FMN1: variants seen among roughly 807,000 people sequenced by gnomAD.
FMN1 encodes formin-1.
In FMN1, 110 loss-of-function variants were observed where a neutral mutation model predicts 132.4. That is an observed-to-expected ratio of 0.83 (90% CI 0.71 to 0.97). FMN1 has a LOEUF of 0.97. Among genes scored for constraint, FMN1 ranks in the 50% least tolerant of loss-of-function variants. The pLI is 0.00. For synonymous variants in FMN1, 722 were observed against 651.7 expected (o/e 1.11, Z -1.64); for missense variants, 1,792 against 1,705.3 (o/e 1.05, Z -0.90).
chr15:32,926,805 GAGA>G (rs1342194915), intron 9 of FMN1, among the ~76,000 whole-genome samples: 1 of 152,132 alleles, frequency 6.6e-6, no homozygotes, highest in Non-Finnish European at 1.5e-5. Flanking sequence ...TTTATTTTGA[GAGA>G]AGGTCTAGCT....
intron 6 of FMN1, among the ~76,000 whole-genome samples, chr15:33,040,178 T>A (rs560033303): frequency 5.9e-5 from 9 of 152,362 alleles, no homozygotes; most frequent in African/African-American, 2.2e-4. Context: ...TCTGCATGTT[T>A]GCTCTACCCT....
At chr15:32,816,359 A>C (rs1444974956) in intron 17 of FMN1, among the ~76,000 whole-genome samples, 1 of 152,246 alleles carries the variant, frequency 6.6e-6, no homozygotes, top group African/African-American at 2.4e-5. Context: ...GGTATATCAC[A>C]CACATTATAT....
intron 10 of FMN1, among the ~76,000 whole-genome samples, chr15:32,920,340 T>C (rs1174496204): frequency 6.6e-6 from 1 of 151,948 alleles, no homozygotes; most frequent in East Asian, 1.9e-4. Flanking sequence ...TTATTCAGAG[T>C]CTCTCCTGGA....
rs1312079466 is a variant in FMN1, at chr15:32,765,629, A to G, written c.*8681T>C. The G allele has an allele frequency of 1.3e-4, 3 of 22,572 alleles. No individual in the cohort carries two copies. Among genetic ancestry groups the G allele is most frequent in the Non-Finnish European group, 7.0e-4 (3 of 4,260 alleles). The allele number at this position is 22,572 out of a possible 1,614,324, so 1.4% of individuals were successfully genotyped here. A position where few individuals can be genotyped will look rare whatever the true frequency, so the allele number is the denominator to read the frequency against. On this transcript the variant is annotated 3_prime_UTR_variant, in exon 21 of 21. Transcript: ENST00000616417. Reference sequence around the variant, plus strand: ...ATGCAATTCTCTGTAAATTCCAAAAAATATAATTCTCTTAAAACAAATTAA... The same window carrying G: ...ATGCAATTCTCTGTAAATTCCAAAAGATATAATTCTCTTAAAACAAATTAA...
chr15:32,848,399 C>T (rs536368577), intron 17 of FMN1, among the ~76,000 whole-genome samples: 1 of 152,320 alleles, frequency 6.6e-6, no homozygotes, highest in South Asian at 2.1e-4. Flanking sequence ...TGCCTTTAAA[C>T]ATTTCCTTGC....
At chr15:33,118,803 A>G (rs1288189107) in intron 4 of FMN1, among the ~76,000 whole-genome samples, 1 of 152,142 alleles carries the variant, frequency 6.6e-6, no homozygotes, top group Non-Finnish European at 1.5e-5. Flanking sequence ...CTATCTTTAA[A>G]GAATGGTATA....
In FMN1 at chr15:33,031,462, G is replaced by A. The variant is rs537423465; in HGVS notation, c.2162-23387C>T. Among the ~76,000 whole-genome samples the A allele has an allele frequency of 2.0e-5, 3 of 152,246 alleles. No homozygotes were observed. In the South Asian group the frequency reaches 6.2e-4, roughly 32 times the overall value. ...GGTTTCCTGAAATACAGACCTCGTG[G>A]CATGACCAGTCAGCACCAATTCATC... On this transcript the variant is annotated intron_variant, in intron 6 of 20. Coordinates refer to ENST00000616417, the MANE Select transcript of FMN1 (RefSeq NM_001277313.2).
intron 17 of FMN1, among the ~76,000 whole-genome samples, chr15:32,823,298 A>G (rs531670485): frequency 7.3e-5 from 11 of 151,466 alleles, no homozygotes; most frequent in Admixed American, 5.3e-4. Flanking sequence ...AGTAGCTGGG[A>G]CTACAGGCAC....
chr15:33,048,644 A>AACAACAAAAAAAAACAAAAAC (rs1555388955), intron 6 of FMN1, among the ~76,000 whole-genome samples: 1 of 86,920 alleles, frequency 1.2e-5, no homozygotes, highest in African/African-American at 4.1e-5. Flanking sequence ...AAAAAAAAAA[A>AACAACAAAAAAAAACAAAAAC]AAAAACCAAC....
Position 32,828,698 on chromosome 15 carries a change from C to G in FMN1, c.3929-24366G>C, listed in dbSNP as rs541915699. ...GGTTAAAATATTGTCACGACTCAGA[C>G]AGAAGAAGGGATTTAGCCCTACCAC... On this transcript the variant is annotated intron_variant, in intron 17 of 20. Coordinates refer to ENST00000616417, the MANE Select transcript of FMN1 (RefSeq NM_001277313.2). 1.1e-4 allele frequency among the ~76,000 whole-genome samples: 17 copies of G among 152,284 alleles called. No individual in the cohort carries two copies. In the East Asian group the frequency reaches 2.9e-3, roughly 26 times the overall value.
rs1456437617 is a variant in FMN1, at chr15:32,968,863, T to C, written c.2838A>G (p.Pro946=). The change falls in exon 8 of 21, where the codon CCA becomes CCG. Residue 946 remains proline, a synonymous_variant. Transcript: ENST00000616417. ...PPNPGGPPPA[P]PPPGLAPPPP... ...GTGGGGGTGCAAGTCCTGGGGGTGG[T>C]GGAGCAGGAGGAGGCCCTCCAGGGT... is the stretch of plus-strand genomic sequence containing the variant. 1.1e-6 allele frequency: 1 copy of C among 880,044 alleles called. No individual in the cohort carries two copies. Among genetic ancestry groups the C allele is most frequent in the South Asian group, 1.7e-5 (1 of 59,474 alleles). The allele number at this position is 880,044 out of a possible 1,614,324, so 54.5% of individuals were successfully genotyped here. A position where few individuals can be genotyped will look rare whatever the true frequency, so the allele number is the denominator to read the frequency against.
intron 9 of FMN1, among the ~76,000 whole-genome samples, chr15:32,935,648 G>T (rs1410230256): frequency 2.7e-5 from 4 of 148,330 alleles, no homozygotes; most frequent in African/African-American, 7.4e-5. Context: ...TTTTTTTTGA[G>T]ACGGAGTCTT....
chr15:33,088,102 A>G (rs565129187), intron 5 of FMN1, among the ~76,000 whole-genome samples: 2 of 152,178 alleles, frequency 1.3e-5, no homozygotes, highest in Non-Finnish European at 2.9e-5. Context: ...CACACTGGGT[A>G]CAGTGTACAC....
chr15:32,878,021 T>C (rs2059678740), intron 16 of FMN1, among the ~76,000 whole-genome samples: 1 of 152,128 alleles, frequency 6.6e-6, no homozygotes, highest in Non-Finnish European at 1.5e-5. Context: ...TAGAAAATAA[T>C]ATGAAATATG....
rs114189667 is a variant in FMN1 at position 33,042,165 on chromosome 15, T to C, written c.2161+22792A>G. Reference sequence around the variant, plus strand: ...CAATGAGAAAAAATAATGAGAAAAATCCCATTTACAATCAAATATCCAGAA... The same window carrying C: ...CAATGAGAAAAAATAATGAGAAAAACCCCATTTACAATCAAATATCCAGAA... On this transcript the variant is annotated intron_variant, in intron 6 of 20. Coordinates refer to ENST00000616417, the MANE Select transcript of FMN1 (RefSeq NM_001277313.2). 2.1e-3 allele frequency among the ~76,000 whole-genome samples: 321 copies of C among 151,996 alleles called. 1 individual carries two copies. Among genetic ancestry groups the C allele is most frequent in the African/African-American group, 7.5e-3 (309 of 41,462 alleles).
At chr15:32,850,041 C>T (rs896600741) in intron 17 of FMN1, among the ~76,000 whole-genome samples, 5 of 152,174 alleles carry the variant, frequency 3.3e-5, no homozygotes, top group African/African-American at 1.2e-4. Flanking sequence ...AATTCTTGGC[C>T]ATTTAATGAT....
chr15:32,929,482 T>C (rs2061050176), intron 9 of FMN1, among the ~76,000 whole-genome samples: 3 of 152,222 alleles, frequency 2.0e-5, no homozygotes, highest in Non-Finnish European at 4.4e-5. Context: ...AATTTAAATG[T>C]ATAGTACATT....
At chr15:33,065,180 T>A (rs2037666488) in intron 5 of FMN1, 106 bp from the exon 6 acceptor site, 1 of 672,384 alleles carries the variant, frequency 1.5e-6, no homozygotes, top group Non-Finnish European at 2.5e-6. Context: ...AATGGCTAGT[T>A]GCACATTGCT....
chr15:33,126,636 G>A (rs376504742), intron 4 of FMN1, among the ~76,000 whole-genome samples: 1 of 85,624 alleles, frequency 1.2e-5, no homozygotes, highest in African/African-American at 3.6e-5. Context: ...GGGCGGAAGT[G>A]TTAAGTTGCA....
Sources: gnomAD v4.1 joint callset for allele counts (sites outside exome capture counted in the v4.1 genomes callset) on GRCh38, gnomAD v4.1.1 for gene constraint, MANE v1.5 for transcripts, NCBI Gene and HGNC (gene_info 2026-07-23, HGNC 2026-07-21) for gene names.